Variants in REDIC1 observed in about 807,000 individuals in gnomAD.
REDIC1 encodes the protein HEI10 Interacting Protein 1.
At chr12:39,693,196 A>G in the REDIC1 span, among the ~76,000 whole-genome samples, 1 of 151,994 alleles carries the variant, frequency 6.6e-6, no homozygotes, top group African/African-American at 2.4e-5. Flanking sequence ...CAAATACTTC[A>G]TGTTTGAGTG....
At chr12:39,648,837 A>G in the REDIC1 span, among the ~76,000 whole-genome samples, 3 of 151,368 alleles carry the variant, frequency 2.0e-5, no homozygotes. Context: ...TATATGCCAT[A>G]TGATAGTTAT....
the REDIC1 span, among the ~76,000 whole-genome samples, chr12:39,640,778 T>C: frequency 6.6e-6 from 1 of 151,904 alleles, no homozygotes; most frequent in Admixed American, 6.6e-5. Context: ...AAGAAAATTT[T>C]GTGAAACTTC....
At chr12:39,771,088 T>G in the REDIC1 span, among the ~76,000 whole-genome samples, 1 of 152,116 alleles carries the variant, frequency 6.6e-6, no homozygotes, top group Admixed American at 6.5e-5. Context: ...TAGACATAAT[T>G]TCTTGAATCT....
chr12:39,825,084 G>A, the REDIC1 span, among the ~76,000 whole-genome samples: 1 of 152,146 alleles, frequency 6.6e-6, no homozygotes. Flanking sequence ...GGTAAACAAT[G>A]AATTGCCAAA....
the REDIC1 span, chr12:39,626,416 C>T: frequency 5.0e-6 from 8 of 1,608,828 alleles, no homozygotes; most frequent in East Asian, 1.8e-4. Flanking sequence ...ACTCCTCTTT[C>T]TAGTTCCTGG....
the REDIC1 span, among the ~76,000 whole-genome samples, chr12:39,790,127 CTTT>C: frequency 6.9e-6 from 1 of 145,630 alleles, no homozygotes. Flanking sequence ...CTTTTGTGTT[CTTT>C]TTTTTTTTTG....
chr12:39,806,763 T>G, the REDIC1 span, among the ~76,000 whole-genome samples: 3 of 152,230 alleles, frequency 2.0e-5, no homozygotes, highest in Non-Finnish European at 2.9e-5. Flanking sequence ...TATGTTTTGT[T>G]ATGGAATAAT....
the REDIC1 span, among the ~76,000 whole-genome samples, chr12:39,895,355 T>G: frequency 6.6e-6 from 1 of 151,076 alleles, no homozygotes; most frequent in Non-Finnish European, 1.5e-5. Flanking sequence ...CCGGGCTTGG[T>G]GGCAGGCACC....
At chr12:39,650,263 T>C in the REDIC1 span, 3 of 1,611,188 alleles carry the variant, frequency 1.9e-6, no homozygotes, top group South Asian at 3.3e-5. This position sits in a 1 kb window ranked among gnomAD's most constrained non-coding sequence, Gnocchi z 4.3. Context: ...CTGTTCTGAT[T>C]CCTTGCTTTC....
the REDIC1 span, among the ~76,000 whole-genome samples, chr12:39,905,200 CTG>C: frequency 6.6e-6 from 1 of 152,212 alleles, no homozygotes; most frequent in East Asian, 1.9e-4. Flanking sequence ...ACTCTGAACA[CTG>C]TACTAAAGAA....
chr12:39,809,727 G>A, the REDIC1 span, among the ~76,000 whole-genome samples: 1 of 151,954 alleles, frequency 6.6e-6, no homozygotes, highest in East Asian at 1.9e-4. Context: ...TCATTGTTCA[G>A]TTCCCACCTA....
the REDIC1 span, among the ~76,000 whole-genome samples, chr12:39,904,388 A>G: frequency 6.6e-6 from 1 of 152,132 alleles, no homozygotes; most frequent in Non-Finnish European, 1.5e-5. Flanking sequence ...GAAACTGTTG[A>G]TTATTCAGTT....
the REDIC1 span, among the ~76,000 whole-genome samples, chr12:39,705,988 G>T: frequency 6.6e-6 from 1 of 151,946 alleles, no homozygotes; most frequent in Non-Finnish European, 1.5e-5. Flanking sequence ...ACAAGAGAAA[G>T]AAATAAAGGG....
the REDIC1 span, among the ~76,000 whole-genome samples, chr12:39,709,565 A>G: frequency 3.8e-4 from 54 of 143,720 alleles, no homozygotes; most frequent in Middle Eastern, 3.6e-3. Context: ...TATTCTACTT[A>G]TATAACTAGT....
At chr12:39,667,889 C>T in the REDIC1 span, among the ~76,000 whole-genome samples, 1 of 152,174 alleles carries the variant, frequency 6.6e-6, no homozygotes, top group East Asian at 1.9e-4. Flanking sequence ...GGATTGCAAC[C>T]CCTGCCTTTT....
At chr12:39,805,150 G>A in the REDIC1 span, among the ~76,000 whole-genome samples, 1 of 152,196 alleles carries the variant, frequency 6.6e-6, no homozygotes, top group Non-Finnish European at 1.5e-5. Flanking sequence ...GCCAGGCCAG[G>A]CCAGAGAGTT....
the REDIC1 span, among the ~76,000 whole-genome samples, chr12:39,709,060 A>AG: frequency 6.6e-6 from 1 of 151,768 alleles, no homozygotes; most frequent in African/African-American, 2.4e-5. Context: ...AATACCTTTA[A>AG]GCACTTTCCC....
the REDIC1 span, among the ~76,000 whole-genome samples, chr12:39,675,464 T>C: frequency 9.9e-4 from 151 of 152,308 alleles, no homozygotes; most frequent in African/African-American, 3.4e-3. Context: ...CCACAGGTGG[T>C]GCTCTCTTGA....
chr12:39,824,289 A>G, the REDIC1 span, among the ~76,000 whole-genome samples: 5 of 152,352 alleles, frequency 3.3e-5, no homozygotes, highest in East Asian at 9.6e-4. Context: ...TCTGATTCAC[A>G]TCAAAGATGA....
Sources: allele counts gnomAD v4.1 joint callset (sites outside exome capture counted in the v4.1 genomes callset), GRCh38; gene constraint gnomAD v4.1.1; non-coding constraint Gnocchi (gnomAD v3.1); transcripts MANE v1.5; gene names NCBI Gene and HGNC (gene_info 2026-07-23, HGNC 2026-07-21).